Variants in DPYSL5 observed in about 807,000 individuals in gnomAD.
The protein encoded by DPYSL5 is dihydropyrimidinase like 5, also known as dihydropyrimidinase-related protein 5.
DPYSL5 carries 9 observed loss-of-function variants against 58.4 expected under a neutral mutation model. That is an observed-to-expected ratio of 0.15 (90% CI 0.09 to 0.27). DPYSL5 has a LOEUF of 0.27. Among genes scored for constraint, DPYSL5 ranks in the 10% least tolerant of loss-of-function variants. The probability of loss-of-function intolerance (pLI) is 1.00; values close to 1 mark genes in which losing one functional copy is unlikely to be tolerated. For synonymous variants in DPYSL5, 293 were observed against 301.9 expected, an observed-to-expected ratio of 0.97 and a Z score of 0.31; for missense variants, 499 against 770.6, an observed-to-expected ratio of 0.65 and a Z score of 4.17.
rs1665727674 is a variant in DPYSL5, at chr2:26,850,619, C to A, written c.-5+2365C>A. 5.9e-5 allele frequency among the ~76,000 whole-genome samples: 9 copies of A among 152,262 alleles called. No individual in the cohort carries two copies. In the South Asian group the frequency reaches 1.9e-3, roughly 32 times the overall value. On this transcript the variant is annotated intron_variant, in intron 1 of 12. Coordinates refer to ENST00000288699, the MANE Select transcript of DPYSL5 (RefSeq NM_020134.4). ...TTGTAGAACTCATTGATGCCACTTA[C>A]ATTTGCCACTAAGTTAACTGAGAAC...
At chr2:26,918,856 A>T (rs1270427687) in intron 2 of DPYSL5, among the ~76,000 whole-genome samples, 2 of 152,182 alleles carry the variant, frequency 1.3e-5, no homozygotes, top group African/African-American at 4.8e-5. Context: ...CCTCAATGAA[A>T]AATTCCATGA....
intron 2 of DPYSL5, among the ~76,000 whole-genome samples, chr2:26,902,063 C>T (rs540193373): frequency 5.3e-5 from 8 of 152,170 alleles, no homozygotes; most frequent in South Asian, 2.1e-4. Context: ...CTGCAGGCCC[C>T]GCCCTCCCCA....
intron 1 of DPYSL5, among the ~76,000 whole-genome samples, chr2:26,865,069 G>A (rs1404053787): frequency 1.3e-5 from 2 of 152,160 alleles, no homozygotes; most frequent in African/African-American, 2.4e-5. Context: ...GATGAGTTTT[G>A]AAAATACATT....
chr2:26,858,423 G>A (rs140956608), intron 1 of DPYSL5, among the ~76,000 whole-genome samples: 7,700 of 151,996 alleles, frequency 0.051, 674 homozygotes, highest in African/African-American at 0.18. Flanking sequence ...TGCCCGCCTC[G>A]GCCTCCCAAA....
chr2:26,881,023 A>G (rs1451432612), intron 1 of DPYSL5, among the ~76,000 whole-genome samples: 1 of 152,208 alleles, frequency 6.6e-6, no homozygotes, highest in African/African-American at 2.4e-5. Context: ...TAAGATTGCT[A>G]GGAAATCGTG....
In DPYSL5 at chr2:26,891,585, G is replaced by C. The variant is rs1053318164; in HGVS notation, c.-4-6911G>C. 5.3e-5 allele frequency among the ~76,000 whole-genome samples: 8 copies of C among 152,286 alleles called. No individual in the cohort carries two copies. In the South Asian group the frequency reaches 1.5e-3, roughly 28 times the overall value. On this transcript the variant is annotated intron_variant, in intron 1 of 12. Transcript: ENST00000288699. ...TCCCTCACCCATCTCCTTTCAAAAA[G>C]GATGGCAGAGGGAGGAACTGAGCCA...
intron 1 of DPYSL5, among the ~76,000 whole-genome samples, chr2:26,890,229 A>T (rs887381858): frequency 6.6e-6 from 1 of 152,076 alleles, no homozygotes; most frequent in Non-Finnish European, 1.5e-5. Context: ...TAAAGCAATT[A>T]TTTGCATCTC....
chr2:26,932,299 A>C (rs111418492), intron 6 of DPYSL5, among the ~76,000 whole-genome samples: 3,429 of 152,152 alleles, frequency 0.023, 94 homozygotes, highest in African/African-American at 0.072. Flanking sequence ...GCCCACAGGA[A>C]CCCAGAGCTG....
chr2:26,912,674 CG>C (rs1183912231), intron 2 of DPYSL5, among the ~76,000 whole-genome samples: 2 of 152,204 alleles, frequency 1.3e-5, no homozygotes, highest in African/African-American at 2.4e-5. Context: ...GGGAGCCAGC[CG>C]GCTCCGTACT....
At chr2:26,941,918 T>C (rs1441818624) in intron 9 of DPYSL5, 32 bp from the exon 10 acceptor site, 23 of 1,613,656 alleles carry the variant, frequency 1.4e-5, no homozygotes, top group Non-Finnish European at 1.8e-5. Flanking sequence ...CCCCAGAGCC[T>C]GGTTGACTTG....
At position 26,933,744 on chromosome 2, in the gene DPYSL5, A is replaced by G. The variant is rs189813867; in HGVS notation, c.790+411A>G. ...TGTTTGGGAAGTCCCTAAAGAAAGA[A>G]CAGTGTGTGGGCCCAGCTTCCTTTT... On this transcript the variant is annotated intron_variant, in intron 7 of 12. Coordinates refer to ENST00000288699, the MANE Select transcript of DPYSL5 (RefSeq NM_020134.4). The surrounding 1 kb of genome is among the most constrained non-coding windows in gnomAD (Gnocchi z 4.2). 1.3e-3 allele frequency among the ~76,000 whole-genome samples: 196 copies of G among 152,314 alleles called. 2 individuals are homozygous for G. Among genetic ancestry groups the G allele is most frequent in the African/African-American group, 4.5e-3 (189 of 41,566 alleles).
chr2:26,907,965 G>A (rs1664340113), intron 2 of DPYSL5, among the ~76,000 whole-genome samples: 1 of 152,172 alleles, frequency 6.6e-6, no homozygotes, highest in Admixed American at 6.5e-5. Flanking sequence ...TATCAGCACA[G>A]ACTGGGGCTA....
At position 26,933,170 on chromosome 2, in the gene DPYSL5, T is replaced by C; in HGVS notation, c.715-88T>C. On this transcript the variant is annotated intron_variant, in intron 6 of 12. Coordinates refer to ENST00000288699, the MANE Select transcript of DPYSL5 (RefSeq NM_020134.4). The surrounding 1 kb of genome is among the most constrained non-coding windows in gnomAD (Gnocchi z 4.2). ...TGAGTGACGCAGGGGGAGGCGCTGG[T>C]GCCAGGGCTGACTTTGCCAGGGTTA... 1.6e-6 allele frequency: 2 copies of C among 1,213,854 alleles called. No homozygotes were observed. The highest frequency in any genetic ancestry group is 2.4e-5 in the South Asian group (2 of 82,478). The allele number at this position is 1,213,854 out of a possible 1,614,324, so 75.2% of individuals were successfully genotyped here.
intron 1 of DPYSL5, among the ~76,000 whole-genome samples, chr2:26,864,291 G>A (rs1047997360): frequency 6.6e-6 from 1 of 152,160 alleles, no homozygotes; most frequent in Non-Finnish European, 1.5e-5. Flanking sequence ...AGCCCCACAA[G>A]AGTGCTCCAG....
intron 2 of DPYSL5, among the ~76,000 whole-genome samples, chr2:26,901,093 A>G (rs1481033822): frequency 1.3e-5 from 2 of 152,034 alleles, no homozygotes; most frequent in African/African-American, 4.8e-5. Context: ...AAAAACATCT[A>G]AAGGCCCCTG....
At chr2:26,911,872 A>T (rs1664448874) in intron 2 of DPYSL5, among the ~76,000 whole-genome samples, 1 of 152,186 alleles carries the variant, frequency 6.6e-6, no homozygotes, top group South Asian at 2.1e-4. Context: ...TTAGGAGGGC[A>T]CTTTGGCTCT....
In DPYSL5 at chr2:26,905,714, G is replaced by C. The variant is rs2148142713; in HGVS notation, c.261+6954G>C. ...TTCATGAAGTGACTTCCCCTCCCCT[G>C]CCACCTGGAGGACATCCCTCTACCC... On this transcript the variant is annotated intron_variant, in intron 2 of 12. Transcript: ENST00000288699. The surrounding 1 kb of genome is among the most constrained non-coding windows in gnomAD (Gnocchi z 4.0). Among the ~76,000 whole-genome samples the C allele has an allele frequency of 6.6e-6, 1 of 152,262 alleles. No individual in the cohort carries two copies. Among genetic ancestry groups the C allele is most frequent in the African/African-American group, 2.4e-5 (1 of 41,558 alleles).
At chr2:26,943,857 TTGC>T (rs1665388922) in intron 11 of DPYSL5, among the ~76,000 whole-genome samples, 1 of 152,238 alleles carries the variant, frequency 6.6e-6, no homozygotes, top group African/African-American at 2.4e-5. Context: ...TTAGCTAGTA[TTGC>T]TACTGGGGGC....
At position 26,947,164 on chromosome 2, in the gene DPYSL5, G is replaced by C. The variant is rs993547812; in HGVS notation, c.*169G>C. ...TCTGCAAAGTGATTCACTGTGCTTCGAGCCAACTCTAACAGGCACTTTGAG... is the reference window on the plus strand; with the variant it reads ...TCTGCAAAGTGATTCACTGTGCTTCCAGCCAACTCTAACAGGCACTTTGAG... On this transcript the variant is annotated 3_prime_UTR_variant, in exon 13 of 13. Transcript: ENST00000288699. This position sits in a 1 kb window ranked among gnomAD's most constrained non-coding sequence, Gnocchi z 4.2. 3.4e-6 allele frequency: 2 copies of C among 590,966 alleles called. No individual in the cohort carries two copies. Among genetic ancestry groups the C allele is most frequent in the East Asian group, 2.8e-5 (1 of 35,296 alleles). The allele number at this position is 590,966 out of a possible 1,614,324, so 36.6% of individuals were successfully genotyped here.
Sources: allele counts gnomAD v4.1 joint callset (sites outside exome capture counted in the v4.1 genomes callset), GRCh38; gene constraint gnomAD v4.1.1; non-coding constraint Gnocchi (gnomAD v3.1); transcripts MANE v1.5; gene names NCBI Gene and HGNC (gene_info 2026-07-23, HGNC 2026-07-21).